The following ALK variants were observed in gnomAD, a reference collection of about 807,000 sequenced individuals.
The protein encoded by ALK is ALK receptor tyrosine kinase, also known as ALK tyrosine kinase receptor.
Under a neutral mutation model 163.1 loss-of-function variants are expected in ALK, and 74 were observed. That is an observed-to-expected ratio of 0.45 (90% CI 0.38 to 0.55). The LOEUF is 0.55. Among genes scored for constraint, ALK ranks in the 20% least tolerant of loss-of-function variants. ALK has a pLI of 0.00. For missense variants in ALK, 2,063 were observed against 2,105.3 expected, an observed-to-expected ratio of 0.98 and a Z score of 0.39; for synonymous variants, 960 against 843.2, an observed-to-expected ratio of 1.14 and a Z score of -2.40.
chr2:29,200,790 C>CGTATATATATACGTATATAT (rs1558608873), intron 26 of ALK, among the ~76,000 whole-genome samples: 76 of 61,114 alleles, frequency 1.2e-3, no homozygotes, highest in South Asian at 2.5e-3. Flanking sequence ...TATGTATATA[C>CGTATATATATACGTATATAT]ATGTATACAT....
chr2:29,455,928 G>C lies in ALK; in HGVS notation c.1155-72069C>G, dbSNP rs183506693. ...AGGTCCCTGCACTCCTAGCATTGTG[G>C]GGGTGCAAGGAACACAGCCATAAGT... On this transcript the variant is annotated intron_variant, in intron 4 of 28. Coordinates refer to ENST00000389048, the MANE Select transcript of ALK (RefSeq NM_004304.5). Among the ~76,000 whole-genome samples, 180 of 152,242 alleles carry C rather than the reference G, an allele frequency of 1.2e-3. 1 individual carries two copies. The highest frequency in any genetic ancestry group is 3.9e-3 in the African/African-American group (160 of 41,522).
chr2:29,357,319 T>C (rs1320828382), intron 5 of ALK, among the ~76,000 whole-genome samples: 2 of 152,184 alleles, frequency 1.3e-5, no homozygotes, highest in African/African-American at 4.8e-5. Context: ...ATCACTGTCC[T>C]GGCATCTGGA....
chr2:29,265,639 G>A (rs536411199), intron 11 of ALK, among the ~76,000 whole-genome samples: 1 of 152,242 alleles, frequency 6.6e-6, no homozygotes, highest in African/African-American at 2.4e-5. Flanking sequence ...ATAAAAATTA[G>A]ATGACTACAA....
chr2:29,550,479 T>C (rs925005731), intron 3 of ALK, among the ~76,000 whole-genome samples: 5 of 152,220 alleles, frequency 3.3e-5, no homozygotes, highest in South Asian at 4.1e-4. Flanking sequence ...ATAATGGCTG[T>C]CTGATCTTGT....
At chr2:29,917,511 T>C (rs936433229) in intron 1 of ALK, among the ~76,000 whole-genome samples, 1 of 152,222 alleles carries the variant, frequency 6.6e-6, no homozygotes, top group East Asian at 1.9e-4. Flanking sequence ...ACCATAATGA[T>C]ACATGTTGTC....
chr2:29,706,142 G>T (rs1224914713), intron 2 of ALK, among the ~76,000 whole-genome samples: 1 of 152,154 alleles, frequency 6.6e-6, no homozygotes, highest in Admixed American at 6.5e-5. Context: ...TGGAGTGGGG[G>T]AATAAAATGA....
At chr2:29,633,307 T>C (rs556366061) in intron 3 of ALK, among the ~76,000 whole-genome samples, 2 of 152,190 alleles carry the variant, frequency 1.3e-5, no homozygotes, top group Admixed American at 1.3e-4. Context: ...TCAGGAGGTG[T>C]GGGAGAGATT....
At chr2:29,382,203 G>A (rs56331464) in intron 5 of ALK, among the ~76,000 whole-genome samples, 9,131 of 152,194 alleles carry the variant, frequency 0.06, 551 homozygotes, top group East Asian at 0.32. Context: ...CCCTGCCAGC[G>A]GAGACTTTCT....
intron 8 of ALK, among the ~76,000 whole-genome samples, chr2:29,302,299 C>T (rs546390595): frequency 2.6e-4 from 40 of 152,312 alleles, no homozygotes; most frequent in African/African-American, 9.4e-4. Flanking sequence ...AGGTGGATCA[C>T]CTGAGGTCAG....
At chr2:29,840,286 T>C (rs919352372) in intron 1 of ALK, among the ~76,000 whole-genome samples, 3 of 152,146 alleles carry the variant, frequency 2.0e-5, no homozygotes, top group African/African-American at 7.2e-5. Flanking sequence ...ATCTGGCAAA[T>C]AGGTACATGT....
intron 4 of ALK, among the ~76,000 whole-genome samples, chr2:29,421,303 T>C (rs1406058111): frequency 4.0e-5 from 6 of 151,524 alleles, no homozygotes; most frequent in African/African-American, 1.5e-4. Flanking sequence ...GAGAAAGTAA[T>C]ACTGAGTGTT....
intron 1 of ALK, among the ~76,000 whole-genome samples, chr2:29,847,780 CA>C (rs1665883580): frequency 6.7e-6 from 1 of 149,900 alleles, no homozygotes; most frequent in Non-Finnish European, 1.5e-5. Context: ...AAAACATTGG[CA>C]GGGGAAGGGG....
At chr2:29,442,181 C>G (rs972852244) in intron 4 of ALK, among the ~76,000 whole-genome samples, 1 of 151,966 alleles carries the variant, frequency 6.6e-6, no homozygotes, top group Non-Finnish European at 1.5e-5. Flanking sequence ...GACACTTGAC[C>G]GGTAAAAAGA....
chr2:29,562,366 T>G (rs769745982), intron 3 of ALK, among the ~76,000 whole-genome samples: 4 of 151,988 alleles, frequency 2.6e-5, no homozygotes, highest in African/African-American at 4.8e-5. Context: ...ACTTCTCTAC[T>G]CTTTTCTACA....
At position 29,239,743 on chromosome 2, in the gene ALK, G is replaced by C. The variant is rs1573148550; in HGVS notation, c.2292C>G (p.Asn764Lys). 6.2e-7 allele frequency: 1 copy of C among 1,614,056 alleles called. No homozygotes were observed. The highest frequency in any genetic ancestry group is 8.5e-7 in the Non-Finnish European group (1 of 1,180,026). Reference sequence around the variant, plus strand: ...TGTACAGCATGTCATCCTTCTCCAGGTTGAAGATGCCCAGCACAGACACGC... The same window carrying C: ...TGTACAGCATGTCATCCTTCTCCAGCTTGAAGATGCCCAGCACAGACACGC... ...SHGVSVLGIF[N>K]LEKDDMLYIL... The change falls in exon 13 of 29, where the codon AAC becomes AAG. Residue 764 changes from asparagine (N) to lysine (K), a missense_variant. By Grantham distance (94) the Asn-to-Lys change is moderately conservative. Around this residue, in one of 5 missense-constraint regions of ALK, gnomAD observed 575 missense variants for 626.6 expected, o/e 0.92. Transcript: ENST00000389048.
chr2:29,421,241 C>T (rs1244332277), intron 4 of ALK, among the ~76,000 whole-genome samples: 1 of 151,546 alleles, frequency 6.6e-6, no homozygotes, highest in Admixed American at 6.6e-5. Context: ...AGGCAGGAGG[C>T]CGCCTTTGGT....
chr2:29,603,201 G>A (rs918418286), intron 3 of ALK, among the ~76,000 whole-genome samples: 2 of 152,116 alleles, frequency 1.3e-5, no homozygotes, highest in African/African-American at 2.4e-5. Flanking sequence ...GCAATAGATC[G>A]CAAATGTTTC....
intron 9 of ALK, among the ~76,000 whole-genome samples, chr2:29,290,583 C>CA (rs1237913675): frequency 2.6e-5 from 4 of 152,208 alleles, no homozygotes; most frequent in African/African-American, 9.7e-5. Flanking sequence ...AAGCAGGGCT[C>CA]TATTTAGCAC....
intron 1 of ALK, among the ~76,000 whole-genome samples, chr2:29,791,951 G>T (rs890655840): frequency 3.3e-5 from 5 of 152,126 alleles, no homozygotes; most frequent in African/African-American, 9.7e-5. Context: ...GTTTTCCATA[G>T]ATGTTTAGGA....
Sources: gnomAD v4.1 joint callset for allele counts (sites outside exome capture counted in the v4.1 genomes callset) on GRCh38, gnomAD v4.1.1 for gene constraint, gnomAD v4.1.1 regional missense constraint, MANE v1.5 for transcripts, NCBI Gene and HGNC (gene_info 2026-07-23, HGNC 2026-07-21) for gene names.